MDFIC2: variants seen among roughly 807,000 people sequenced by gnomAD.
MDFIC2 encodes MyoD family inhibitor domain containing 2, also known as myoD family inhibitor domain-containing protein 2.
intron 2 of MDFIC2, chr3:70,283,930 GATT>G (rs1702114814): frequency 6.6e-6 from 1 of 152,040 alleles, no homozygotes; most frequent in Admixed American, 6.6e-5. Context: ...ATAATCTTAA[GATT>G]ATTAACTCTG....
chr3:70,230,499 CAT>C (rs56052995), intron 2 of MDFIC2, among the ~76,000 whole-genome samples: 132,425 of 151,276 alleles, frequency 0.88, 59,126 homozygotes, highest in East Asian at 0.97. Flanking sequence ...CGAGATGAAT[CAT>C]ATATATATAT....
At chr3:70,216,697 A>T (rs1701415381) in intron 2 of MDFIC2, among the ~76,000 whole-genome samples, 1 of 152,178 alleles carries the variant, frequency 6.6e-6, no homozygotes, top group African/African-American at 2.4e-5. Context: ...AAACATACTC[A>T]GGTCTCTGCT....
At chr3:70,214,256 G>A (rs1237939655) in intron 2 of MDFIC2, among the ~76,000 whole-genome samples, 9 of 152,140 alleles carry the variant, frequency 5.9e-5, no homozygotes, top group Non-Finnish European at 8.8e-5. Flanking sequence ...GTTGGAAGAC[G>A]TCCTTTAAAG....
chr3:70,201,223 T>A (rs11707366), intron 3 of MDFIC2, among the ~76,000 whole-genome samples: 1 of 151,766 alleles, frequency 6.6e-6, no homozygotes, highest in African/African-American at 2.4e-5. Flanking sequence ...ATAAGCCCCA[T>A]TGTGTGTCGT....
intron 2 of MDFIC2, among the ~76,000 whole-genome samples, chr3:70,279,955 G>A (rs191744102): frequency 1.1e-4 from 16 of 152,284 alleles, no homozygotes; most frequent in Admixed American, 3.9e-4. Context: ...TACTGTAGTT[G>A]TTTTTTAGGG....
At position 70,197,411 on chromosome 3, in the gene MDFIC2, G is replaced by A. The variant is rs78953900; in HGVS notation, c.311-226C>T. On this transcript the variant is annotated intron_variant, in intron 3 of 3. Transcript: ENST00000567252. ...CTTCCTGAGCATTTCCTATTGATTCGACATAATCTGGTTATTTAAAGTGCT... is the reference window on the plus strand; with the variant it reads ...CTTCCTGAGCATTTCCTATTGATTCAACATAATCTGGTTATTTAAAGTGCT... 4.6e-5 allele frequency among the ~76,000 whole-genome samples: 7 copies of A among 151,946 alleles called. No individual in the cohort carries two copies. The East Asian group carries it at 1.4e-3, about 29-fold the overall frequency.
chr3:70,201,725 A>C (rs749127863), intron 3 of MDFIC2, among the ~76,000 whole-genome samples: 6 of 152,148 alleles, frequency 3.9e-5, no homozygotes, highest in Admixed American at 3.3e-4. Flanking sequence ...CTTCTGACAC[A>C]CTTGAGCATG....
intron 2 of MDFIC2, among the ~76,000 whole-genome samples, chr3:70,216,824 T>C (rs1701416376): frequency 6.6e-6 from 1 of 152,132 alleles, no homozygotes; most frequent in Non-Finnish European, 1.5e-5. Context: ...TGTCTGGAGA[T>C]AATGTTTATT....
At chr3:70,268,898 T>G (rs1701948524) in intron 2 of MDFIC2, among the ~76,000 whole-genome samples, 1 of 152,180 alleles carries the variant, frequency 6.6e-6, no homozygotes, top group Non-Finnish European at 1.5e-5. Context: ...GGAGCACATA[T>G]TATGTATGGC....
intron 2 of MDFIC2, 26 bp downstream of exon 2, chr3:70,311,860 A>G: frequency 2.5e-6 from 1 of 397,568 alleles, no homozygotes; most frequent in Non-Finnish European, 4.4e-6. Context: ...TCACACCAAT[A>G]GAAAATCAAG....
rs116180567 is a variant in MDFIC2, at chr3:70,223,644, A to G, written c.89-16854T>C. Among the ~76,000 whole-genome samples the G allele has an allele frequency of 5.1e-3, 777 of 152,270 alleles. 9 individuals are homozygous for G. Among genetic ancestry groups the G allele is most frequent in the Middle Eastern group, 0.014 (4 of 294 alleles). The stretch of plus-strand genomic sequence containing the variant: ...ACAGGCTATTTCCTGGTACCCTGTC[A>G]CAGGTTCATTCCCAAGACTTAAGTC... On this transcript the variant is annotated intron_variant, in intron 2 of 3. Coordinates refer to ENST00000567252, the MANE Select transcript of MDFIC2 (RefSeq NM_001364677.1).
intron 3 of MDFIC2, among the ~76,000 whole-genome samples, chr3:70,200,115 C>T (rs777121771): frequency 9.9e-5 from 15 of 152,246 alleles, no homozygotes; most frequent in South Asian, 2.1e-4. Context: ...ACCTCAAATT[C>T]GTATTCGAAA....
chr3:70,306,582 AT>A (rs927553365), intron 2 of MDFIC2, among the ~76,000 whole-genome samples: 6 of 151,398 alleles, frequency 4.0e-5, no homozygotes, highest in Middle Eastern at 3.4e-3. Context: ...CCCACCCCCT[AT>A]TTTTTTTATC....
chr3:70,215,484 T>C (rs1335561415), intron 2 of MDFIC2, among the ~76,000 whole-genome samples: 1 of 152,076 alleles, frequency 6.6e-6, no homozygotes, highest in East Asian at 1.9e-4. Context: ...AAACCTAGAA[T>C]TCCTATTTGA....
intron 2 of MDFIC2, among the ~76,000 whole-genome samples, chr3:70,287,712 A>G (rs1039821392): frequency 6.6e-5 from 10 of 151,998 alleles, no homozygotes; most frequent in Non-Finnish European, 1.2e-4. Context: ...TTGGTAAGCT[A>G]TTGATTATTG....
At chr3:70,200,422 CACTG>C (rs1701226288) in intron 3 of MDFIC2, among the ~76,000 whole-genome samples, 1 of 152,206 alleles carries the variant, frequency 6.6e-6, no homozygotes, top group Non-Finnish European at 1.5e-5. Flanking sequence ...ACTCCAGCCA[CACTG>C]ACTAAATTGC....
chr3:70,288,424 T>C (rs1051220772), intron 2 of MDFIC2, among the ~76,000 whole-genome samples: 11 of 150,204 alleles, frequency 7.3e-5, no homozygotes, highest in South Asian at 6.5e-4. Flanking sequence ...GTCTGAGAGA[T>C]AGTTTGTTAT....
chr3:70,243,442 T>G (rs1428917755), intron 2 of MDFIC2, among the ~76,000 whole-genome samples: 1 of 152,212 alleles, frequency 6.6e-6, no homozygotes, highest in Non-Finnish European at 1.5e-5. Context: ...GCTCTCTTTC[T>G]TTCAGAGTTG....
chr3:70,225,597 G>A (rs1701496900), intron 2 of MDFIC2, among the ~76,000 whole-genome samples: 1 of 147,454 alleles, frequency 6.8e-6, no homozygotes, highest in South Asian at 2.3e-4. Flanking sequence ...CTCTGTAAAA[G>A]TGAAGATGCT....
Sources: gnomAD v4.1 joint callset for allele counts (sites outside exome capture counted in the v4.1 genomes callset) on GRCh38, gnomAD v4.1.1 for gene constraint, MANE v1.5 for transcripts, NCBI Gene and HGNC (gene_info 2026-07-23, HGNC 2026-07-21) for gene names.